Variants in TACR1 observed in about 807,000 individuals in gnomAD.
TACR1 encodes substance-P receptor.
Under a neutral mutation model 35.8 loss-of-function variants are expected in TACR1, and 25 were observed. The ratio of observed to expected loss-of-function variants is 0.70; its 90% confidence interval spans 0.51 to 0.98. The LOEUF (loss-of-function observed/expected upper bound fraction) is 0.98, where lower values mean the gene tolerates loss of function less well. Ranked by LOEUF, TACR1 falls within the 50% of genes least tolerant of loss-of-function variation. The probability of loss-of-function intolerance (pLI) is 0.00; values close to 1 mark genes in which losing one functional copy is unlikely to be tolerated. For missense variants in TACR1, 478 were observed against 522.9 expected (o/e 0.91, Z 0.84); for synonymous variants, 195 against 206.7 (o/e 0.94, Z 0.48).
At chr2:75,095,862 C>T (rs956899860) in intron 2 of TACR1, among the ~76,000 whole-genome samples, 4 of 152,156 alleles carry the variant, frequency 2.6e-5, no homozygotes. Flanking sequence ...GGTACAGCTA[C>T]AAGATGGCAG....
Position 75,048,331 on chromosome 2 carries a change from C to T in TACR1, c.*1101G>A, listed in dbSNP as rs189316558. ...GGGAGCCCACATTTGTCTTCTCTGACAGTGTTCTGCAGCTATGAAATTCTG... is the reference window on the plus strand; with the variant it reads ...GGGAGCCCACATTTGTCTTCTCTGATAGTGTTCTGCAGCTATGAAATTCTG... On this transcript the variant is annotated 3_prime_UTR_variant, in exon 5 of 5. Transcript: ENST00000305249. The T allele has an allele frequency of 7.9e-5, 12 of 152,356 alleles. No homozygotes were observed. Among genetic ancestry groups the T allele is most frequent in the African/African-American group, 2.6e-4 (11 of 41,586 alleles). 9.4% of individuals were successfully genotyped at this position (152,356 alleles called of 1,614,324 possible).
intron 1 of TACR1, among the ~76,000 whole-genome samples, chr2:75,165,778 C>T (rs1675128356): frequency 6.6e-6 from 1 of 152,168 alleles, no homozygotes; most frequent in Non-Finnish European, 1.5e-5. Context: ...TTTTTGTCCT[C>T]CACTTCTGAT....
chr2:75,098,040 C>T (rs908051566), intron 2 of TACR1, among the ~76,000 whole-genome samples: 2 of 152,158 alleles, frequency 1.3e-5, no homozygotes, highest in South Asian at 2.1e-4. Context: ...GGCTCTGGCA[C>T]ACTGCTGAAT....
chr2:75,180,912 A>G (rs1238351618), intron 1 of TACR1, among the ~76,000 whole-genome samples: 2 of 152,206 alleles, frequency 1.3e-5, no homozygotes, highest in African/African-American at 4.8e-5. Context: ...TACAGTGGAT[A>G]TTGCAGACAT....
At chr2:75,067,339 G>A (rs768203408) in intron 2 of TACR1, among the ~76,000 whole-genome samples, 1 of 152,184 alleles carries the variant, frequency 6.6e-6, no homozygotes, top group East Asian at 1.9e-4. Flanking sequence ...CCAGCCGTGT[G>A]TTGAGGTAGC....
At chr2:75,154,442 A>C (rs1345912082) in intron 1 of TACR1, 1 of 102,148 alleles carries the variant, frequency 9.8e-6, no homozygotes, top group African/African-American at 3.5e-5. Flanking sequence ...ACACACACAC[A>C]CACACACACT....
chr2:75,075,614 A>G (rs756808648), intron 2 of TACR1, among the ~76,000 whole-genome samples: 1 of 148,612 alleles, frequency 6.7e-6, no homozygotes, highest in Non-Finnish European at 1.5e-5. Context: ...ATAAGGCAGA[A>G]TAAATCAAAA....
At chr2:75,077,048 G>A (rs924746197) in intron 2 of TACR1, among the ~76,000 whole-genome samples, 3 of 152,096 alleles carry the variant, frequency 2.0e-5, no homozygotes, top group Non-Finnish European at 2.9e-5. Context: ...TTGGCTCACC[G>A]TAACTTCTGC....
intron 2 of TACR1, among the ~76,000 whole-genome samples, chr2:75,054,798 C>A (rs1672539757): frequency 6.6e-6 from 1 of 152,054 alleles, no homozygotes; most frequent in Non-Finnish European, 1.5e-5. Context: ...GGGGCACTTA[C>A]TCTAGGTCAC....
At chr2:75,134,237 A>C (rs1301880119) in intron 1 of TACR1, among the ~76,000 whole-genome samples, 1 of 152,128 alleles carries the variant, frequency 6.6e-6, no homozygotes, top group Non-Finnish European at 1.5e-5. Context: ...ACTTGCCCTG[A>C]ATTCTTTCTT....
chr2:75,070,204 C>T (rs1267640399), intron 2 of TACR1, among the ~76,000 whole-genome samples: 1 of 150,856 alleles, frequency 6.6e-6, no homozygotes, highest in Non-Finnish European at 1.5e-5. Context: ...TTGACCTACC[C>T]CCAACATTGT....
intron 2 of TACR1, among the ~76,000 whole-genome samples, chr2:75,090,545 C>T (rs546241706): frequency 6.6e-6 from 1 of 152,264 alleles, no homozygotes; most frequent in East Asian, 1.9e-4. Context: ...ACAAACTCAA[C>T]CAATTGTCAA....
At chr2:75,178,737 G>A (rs952357135) in intron 1 of TACR1, among the ~76,000 whole-genome samples, 8 of 152,118 alleles carry the variant, frequency 5.3e-5, no homozygotes, top group Non-Finnish European at 1.2e-4. Context: ...CTTCTCAGCA[G>A]TTTATGACAC....
chr2:75,175,137 T>A lies in TACR1; in HGVS notation c.389+23409A>T, dbSNP rs182411570. ...AATCCCTTTGCTTCTAGATGGTGAG[T>A]ACTTCCTTTTGCAAATTGGATATTT... On this transcript the variant is annotated intron_variant, in intron 1 of 4. Coordinates refer to ENST00000305249, the MANE Select transcript of TACR1 (RefSeq NM_001058.4). Among the ~76,000 whole-genome samples, 596 of 152,336 alleles carry A rather than the reference T, an allele frequency of 3.9e-3. 4 individuals are homozygous for A. Among genetic ancestry groups the A allele is most frequent in the Admixed American group, 7.1e-3 (108 of 15,308 alleles).
intron 2 of TACR1, among the ~76,000 whole-genome samples, chr2:75,120,197 C>T (rs1166385618): frequency 1.3e-5 from 2 of 152,144 alleles, no homozygotes; most frequent in East Asian, 1.9e-4. Flanking sequence ...GGTAATTCCC[C>T]ACCTTCCTGC....
Position 75,069,244 on chromosome 2 carries a change from G to A in TACR1, c.585-15489C>T, listed in dbSNP as rs187723631. On this transcript the variant is annotated intron_variant, in intron 2 of 4. Coordinates refer to ENST00000305249, the MANE Select transcript of TACR1 (RefSeq NM_001058.4). Reference sequence around the variant, plus strand: ...TAAACATCTTTCATCTATAAATTACGCAGTCTTGGGTATGTCTTTATTAGC... The same window carrying A: ...TAAACATCTTTCATCTATAAATTACACAGTCTTGGGTATGTCTTTATTAGC... Among the ~76,000 whole-genome samples, 17 of 152,038 alleles carry A rather than the reference G, an allele frequency of 1.1e-4. No individual in the cohort carries two copies. In the East Asian group the frequency reaches 1.4e-3, roughly 12 times the overall value.
chr2:75,175,336 C>A lies in TACR1; in HGVS notation c.389+23210G>T, dbSNP rs561530869. On this transcript the variant is annotated intron_variant, in intron 1 of 4. Coordinates refer to ENST00000305249, the MANE Select transcript of TACR1 (RefSeq NM_001058.4). ...CCAGATATTCATGCAGGTGAAAAAT[C>A]TTATAATTACCCAAACCTAGAACTT... 2.6e-5 allele frequency among the ~76,000 whole-genome samples: 4 copies of A among 152,246 alleles called. No homozygotes were observed. In the South Asian group the frequency reaches 8.3e-4, roughly 32 times the overall value.
chr2:75,172,693 C>G (rs1254979605), intron 1 of TACR1, among the ~76,000 whole-genome samples: 2 of 152,186 alleles, frequency 1.3e-5, no homozygotes, highest in Non-Finnish European at 2.9e-5. Flanking sequence ...GCCCCAGCAT[C>G]TGCAATACCT....
chr2:75,075,830 A>G (rs2103823578), intron 2 of TACR1, among the ~76,000 whole-genome samples: 2 of 152,388 alleles, frequency 1.3e-5, no homozygotes, highest in South Asian at 4.1e-4. Context: ...ATATGTTAAC[A>G]TCAGACAAAT....
Sources: gnomAD v4.1 joint callset for allele counts (sites outside exome capture counted in the v4.1 genomes callset) on GRCh38, gnomAD v4.1.1 for gene constraint, MANE v1.5 for transcripts, NCBI Gene and HGNC (gene_info 2026-07-23, HGNC 2026-07-21) for gene names.